CHRM3: variants seen among roughly 807,000 people sequenced by gnomAD.
CHRM3 encodes cholinergic receptor muscarinic 3.
Under a neutral mutation model 41.8 loss-of-function variants are expected in CHRM3, and 11 were observed. That is an observed-to-expected ratio of 0.26 (90% CI 0.17 to 0.44). The LOEUF is 0.44. CHRM3 is among the 20% of genes least tolerant of loss of function. The pLI is 1.00. For missense variants in CHRM3, 571 were observed against 745.4 expected (o/e 0.77, Z 2.72); for synonymous variants, 297 against 301.4 (o/e 0.99, Z 0.15).
intron 1 of CHRM3, among the ~76,000 whole-genome samples, chr1:239,476,360 G>A (rs1265412612): frequency 6.6e-6 from 1 of 152,002 alleles, no homozygotes; most frequent in African/African-American, 2.4e-5. Context: ...CAGCTACTTG[G>A]GGGGCTGAGG....
rs1680347069 is a variant in CHRM3, at chr1:239,911,197, A to G, written c.*1973A>G. 1 of 167,076 alleles carries G rather than the reference A, an allele frequency of 6.0e-6. No individual in the cohort carries two copies. Among genetic ancestry groups the G allele is most frequent in the Non-Finnish European group, 1.5e-5 (1 of 68,118 alleles). The allele number at this position is 167,076 out of a possible 1,614,324, so 10.3% of individuals were successfully genotyped here. On this transcript the variant is annotated 3_prime_UTR_variant, in exon 7 of 7. Transcript: ENST00000676153. ...AATGTTTAAAACCACTCTTTAGTTA[A>G]ATCTGATGGGAACTGAACAAAGCTC...
At chr1:239,505,556 C>T (rs554597330) in intron 2 of CHRM3, among the ~76,000 whole-genome samples, 4 of 152,292 alleles carry the variant, frequency 2.6e-5, no homozygotes, top group African/African-American at 9.6e-5. Flanking sequence ...GATTCTTTCC[C>T]CACCAACTTG....
At chr1:239,600,797 TTTCCTTCCTTCC>T (rs377366936) in intron 3 of CHRM3, among the ~76,000 whole-genome samples, 2 of 150,444 alleles carry the variant, frequency 1.3e-5, no homozygotes, top group East Asian at 2.0e-4. Flanking sequence ...CTTCCTTTTC[TTTCCTTCCTTCC>T]TTCCTTCCTT....
chr1:239,719,360 A>G (rs1430816512), intron 5 of CHRM3, among the ~76,000 whole-genome samples: 3 of 152,112 alleles, frequency 2.0e-5, no homozygotes, highest in East Asian at 1.9e-4. Flanking sequence ...GGTAAAACCA[A>G]TATAGCACCC....
rs1680405757 is a variant in CHRM3, at chr1:239,912,250, G to A, written c.*3026G>A. 6.0e-6 allele frequency: 1 copy of A among 166,920 alleles called. No individual in the cohort carries two copies. Among genetic ancestry groups the A allele is most frequent in the Non-Finnish European group, 1.5e-5 (1 of 68,170 alleles). 10.3% of individuals were successfully genotyped at this position (166,920 alleles called of 1,614,324 possible). ...GCATTGCCAGATGGTTAGGAGAAGT[G>A]AGCTCTCTCTGGTCCCCTAGATCCC... On this transcript the variant is annotated 3_prime_UTR_variant, in exon 7 of 7. Transcript: ENST00000676153.
Position 239,909,328 on chromosome 1 carries a change from T to TGA in CHRM3, c.*104_*105insGA. 1 of 1,199,438 alleles carries TGA rather than the reference T, an allele frequency of 8.3e-7. No individual in the cohort carries two copies. Among genetic ancestry groups the TGA allele is most frequent in the South Asian group, 1.6e-5 (1 of 64,026 alleles). The allele number at this position is 1,199,438 out of a possible 1,614,324, so 74.3% of individuals were successfully genotyped here. A position where few individuals can be genotyped will look rare whatever the true frequency, so the allele number is the denominator to read the frequency against. The stretch of plus-strand genomic sequence containing the variant: ...TGACTTCTGGTGATGATAAAAATGG[T>TGA]TTTATCACCCAGATGTGAAAGAAGC... On this transcript the variant is annotated 3_prime_UTR_variant, in exon 7 of 7. Coordinates refer to ENST00000676153, the MANE Select transcript of CHRM3 (RefSeq NM_001375978.1).
chr1:239,396,971 T>C (rs1659538711), intron 1 of CHRM3, among the ~76,000 whole-genome samples: 2 of 152,194 alleles, frequency 1.3e-5, no homozygotes, highest in African/African-American at 2.4e-5. Flanking sequence ...TGTAGAAATA[T>C]GTTTGCTTTG....
intron 1 of CHRM3, among the ~76,000 whole-genome samples, chr1:239,463,914 T>G (rs1462467939): frequency 6.6e-6 from 1 of 152,166 alleles, no homozygotes; most frequent in Admixed American, 6.5e-5. Context: ...CTTAGATACC[T>G]CATATAAATA....
chr1:239,786,603 C>T (rs1668917063), intron 5 of CHRM3, among the ~76,000 whole-genome samples: 1 of 152,174 alleles, frequency 6.6e-6, no homozygotes, highest in Non-Finnish European at 1.5e-5. Context: ...GCAGCTCAGG[C>T]AGGGACAGAG....
chr1:239,726,615 A>T (rs1002528801), intron 5 of CHRM3, among the ~76,000 whole-genome samples: 1 of 151,952 alleles, frequency 6.6e-6, no homozygotes, highest in Non-Finnish European at 1.5e-5. Context: ...CTGATTCTCT[A>T]TAAGATGCAT....
chr1:239,540,813 T>G (rs537491868), intron 2 of CHRM3, among the ~76,000 whole-genome samples: 1 of 152,276 alleles, frequency 6.6e-6, no homozygotes, highest in African/African-American at 2.4e-5. Context: ...TAATAAAGTA[T>G]TATATAAGTA....
chr1:239,759,418 C>A (rs1666549624), intron 5 of CHRM3, among the ~76,000 whole-genome samples: 1 of 151,266 alleles, frequency 6.6e-6, no homozygotes, highest in African/African-American at 2.4e-5. Context: ...GTACCCTAAA[C>A]TTTTAAAAGC....
intron 4 of CHRM3, among the ~76,000 whole-genome samples, chr1:239,662,403 A>C (rs1198128690): frequency 6.6e-6 from 1 of 152,182 alleles, no homozygotes; most frequent in East Asian, 1.9e-4. Flanking sequence ...AAATTAACCC[A>C]AACGATGTGG....
Position 239,907,565 on chromosome 1 carries a change from C to A in CHRM3, c.114C>A (p.Gly38=), listed in dbSNP as rs199815930. 29 of 1,614,054 alleles carry A rather than the reference C, an allele frequency of 1.8e-5. No individual in the cohort carries two copies. Among genetic ancestry groups the A allele is most frequent in the Middle Eastern group, 1.6e-4 (1 of 6,084 alleles). ...GLPPGTVTHF[G]SYNVSRAAGN... is the part of the protein sequence containing the mutation. Reference sequence around the variant, plus strand: ...CCCCGGGAACCGTCACTCATTTCGGCAGCTACAATGTTTCTCGAGCAGCTG... The same window carrying A: ...CCCCGGGAACCGTCACTCATTTCGGAAGCTACAATGTTTCTCGAGCAGCTG... Residue 38 remains glycine (G), a synonymous_variant, in exon 7 of 7, where the codon GGC becomes GGA. Coordinates refer to ENST00000676153, the MANE Select transcript of CHRM3 (RefSeq NM_001375978.1). The surrounding 1 kb of genome is among the most constrained non-coding windows in gnomAD (Gnocchi z 5.4).
intron 6 of CHRM3, among the ~76,000 whole-genome samples, chr1:239,829,412 T>A (rs1672724905): frequency 6.6e-6 from 1 of 151,772 alleles, no homozygotes; most frequent in South Asian, 2.1e-4. Context: ...TGATTTTTTT[T>A]TTTGAAAAAG....
chr1:239,680,821 G>A (rs1375981255), intron 5 of CHRM3, among the ~76,000 whole-genome samples: 1 of 151,878 alleles, frequency 6.6e-6, no homozygotes, highest in Non-Finnish European at 1.5e-5. Context: ...TATTTGAACT[G>A]CGGAGGAGAC....
chr1:239,700,820 G>A (rs1255733246), intron 5 of CHRM3, among the ~76,000 whole-genome samples: 9 of 152,094 alleles, frequency 5.9e-5, no homozygotes, highest in Non-Finnish European at 1.0e-4. Context: ...GCGGCTTTGG[G>A]AAGTGTTCCA....
chr1:239,902,997 TAAG>T (rs1223198310), intron 6 of CHRM3, among the ~76,000 whole-genome samples: 5 of 152,174 alleles, frequency 3.3e-5, no homozygotes, highest in Admixed American at 2.6e-4. Flanking sequence ...TGTCAAAGTG[TAAG>T]AAGAATGATG....
chr1:239,429,113 A>G (rs1662623888), intron 1 of CHRM3, among the ~76,000 whole-genome samples: 1 of 152,258 alleles, frequency 6.6e-6, no homozygotes. Flanking sequence ...GAACAAAAGC[A>G]TTATGATGAA....
Sources: gnomAD v4.1 joint callset for allele counts (sites outside exome capture counted in the v4.1 genomes callset) on GRCh38, gnomAD v4.1.1 for gene constraint, Gnocchi (gnomAD v3.1) non-coding constraint, MANE v1.5 for transcripts, NCBI Gene and HGNC (gene_info 2026-07-23, HGNC 2026-07-21) for gene names.